The following MUSK variants were observed in gnomAD, a reference collection of about 807,000 sequenced individuals.
MUSK encodes muscle associated receptor tyrosine kinase.
MUSK carries 55 observed loss-of-function variants against 88.7 expected under a neutral mutation model. That is an observed-to-expected ratio of 0.62 (90% CI 0.50 to 0.78). The LOEUF (loss-of-function observed/expected upper bound fraction) is 0.78. Ranked by LOEUF, MUSK falls within the 30% of genes least tolerant of loss-of-function variation. The pLI is 0.00. For synonymous variants in MUSK, 387 were observed against 391.9 expected, an observed-to-expected ratio of 0.99 and a Z score of 0.15; for missense variants, 1,015 against 1,074.3, an observed-to-expected ratio of 0.94 and a Z score of 0.77.
chr9:110,775,698 T>C (rs2077656798), intron 9 of MUSK, 90 bp from the exon 10 acceptor site: 2 of 1,199,644 alleles, frequency 1.7e-6, no homozygotes, highest in African/African-American at 3.0e-5. Flanking sequence ...ACCATGATGA[T>C]GTCTTGAAAA....
chr9:110,716,688 C>T (rs1022686700), intron 5 of MUSK, among the ~76,000 whole-genome samples: 3 of 149,930 alleles, frequency 2.0e-5, no homozygotes, highest in African/African-American at 7.6e-5. Context: ...GGGACATTCA[C>T]GATAAACTCT....
chr9:110,749,562 A>C (rs920391933), intron 7 of MUSK, among the ~76,000 whole-genome samples: 7 of 152,300 alleles, frequency 4.6e-5, no homozygotes, highest in African/African-American at 1.7e-4. Flanking sequence ...ATTGATGAGA[A>C]GTCATTTAAT....
At chr9:110,707,927 G>A (rs1461705327) in intron 5 of MUSK, among the ~76,000 whole-genome samples, 3 of 152,156 alleles carry the variant, frequency 2.0e-5, no homozygotes, top group African/African-American at 7.2e-5. Flanking sequence ...CACTTGTCAG[G>A]ACACCTGCGT....
chr9:110,675,976 T>C (rs940392414), intron 1 of MUSK, among the ~76,000 whole-genome samples: 1 of 152,122 alleles, frequency 6.6e-6, no homozygotes, highest in Non-Finnish European at 1.5e-5. Flanking sequence ...TATCTCTCAA[T>C]ATCTAGATGA....
In MUSK at chr9:110,802,735, C is replaced by T. The variant is rs2078112632; in HGVS notation, c.*1747C>T. 6.6e-6 allele frequency among the ~76,000 whole-genome samples: 1 copy of T among 152,172 alleles called. No homozygotes were observed. The highest frequency in any genetic ancestry group is 1.9e-4 in the East Asian group (1 of 5,202). On this transcript the variant is annotated 3_prime_UTR_variant, in exon 15 of 15. Coordinates refer to ENST00000374448, the MANE Select transcript of MUSK (RefSeq NM_005592.4). ...ATGACTCAACCTCTACCGTTGCCCA[C>T]CCTGTCTATTAGCTGGCCTTCCTCT... is the stretch of plus-strand genomic sequence containing the variant.
At chr9:110,691,308 T>G (rs1340057934) in intron 3 of MUSK, among the ~76,000 whole-genome samples, 1 of 152,086 alleles carries the variant, frequency 6.6e-6, no homozygotes, top group Admixed American at 6.6e-5. Context: ...GCAAAACAGT[T>G]TCCCATACTC....
At chr9:110,720,703 C>T (rs2076800368) in intron 5 of MUSK, among the ~76,000 whole-genome samples, 1 of 151,976 alleles carries the variant, frequency 6.6e-6, no homozygotes, top group Non-Finnish European at 1.5e-5. Context: ...CACTATTCCA[C>T]AAGATAGACA....
intron 7 of MUSK, 84 bp downstream of exon 7, chr9:110,747,884 T>C: frequency 6.6e-7 from 1 of 1,504,760 alleles, no homozygotes; most frequent in Non-Finnish European, 9.2e-7. Flanking sequence ...GGAGAAAATC[T>C]CCCTTTTCTT....
chr9:110,740,790 C>T (rs188109814), intron 6 of MUSK, among the ~76,000 whole-genome samples: 53 of 152,194 alleles, frequency 3.5e-4, no homozygotes, highest in African/African-American at 1.2e-3. Flanking sequence ...GAAGAGCATT[C>T]GGAAGACTGG....
At chr9:110,679,501 G>A (rs2076079470) in intron 1 of MUSK, among the ~76,000 whole-genome samples, 1 of 151,840 alleles carries the variant, frequency 6.6e-6, no homozygotes, top group African/African-American at 2.4e-5. Flanking sequence ...GATAGCATCT[G>A]TCATTTCATA....
At chr9:110,710,705 G>C (rs2076657082) in intron 5 of MUSK, among the ~76,000 whole-genome samples, 1 of 151,872 alleles carries the variant, frequency 6.6e-6, no homozygotes, top group African/African-American at 2.4e-5. Flanking sequence ...GCTAACAGGA[G>C]AGAGGCTATT....
At chr9:110,676,329 TAC>T (rs1399316375) in intron 1 of MUSK, among the ~76,000 whole-genome samples, 6 of 121,378 alleles carry the variant, frequency 4.9e-5, no homozygotes, top group East Asian at 4.7e-4. Context: ...GTTGTATATA[TAC>T]ACATACACAC....
rs148941937 is a variant in MUSK at position 110,692,918 on chromosome 9, CTTTTA to C, written c.359-2480_359-2476del. Among the ~76,000 whole-genome samples the C allele has an allele frequency of 3.0e-3, 450 of 151,520 alleles. 9 individuals are homozygous for C. The East Asian group carries it at 0.06, about 20-fold the overall frequency. ...TGTTTACAATTTTTCTCAAATTGAT[CTTTTA>C]TTTTTTGATCATAATAAATATACAT... On this transcript the variant is annotated intron_variant, in intron 3 of 14. Transcript: ENST00000374448.
rs2077509392 is a variant in MUSK, at chr9:110,767,923, G to A, written c.1024G>A (p.Ala342Thr). The change falls in exon 9 of 15, where the codon GCG becomes ACG. Residue 342 changes from alanine to threonine, a missense_variant. Physicochemically the swap from Ala to Thr is moderately conservative, Grantham distance 58. Coordinates refer to ENST00000374448, the MANE Select transcript of MUSK (RefSeq NM_005592.4). Reference sequence around the variant, plus strand: ...TCTTGTTTTTCTCAACACCTCCTATGCGGACCCTGAGGAGGCCCAAGAGCT... The same window carrying A: ...TCTTGTTTTTCTCAACACCTCCTATACGGACCCTGAGGAGGCCCAAGAGCT... ...DALVFLNTSY[A>T]DPEEAQELLV... 4.3e-6 allele frequency: 7 copies of A among 1,613,910 alleles called. No homozygotes were observed. In the African/African-American group the frequency reaches 5.3e-5, roughly 12 times the overall value.
At chr9:110,755,939 T>TATATATATACATATATATATGC (rs1564268573) in intron 7 of MUSK, among the ~76,000 whole-genome samples, 8 of 71,212 alleles carry the variant, frequency 1.1e-4, no homozygotes, top group African/African-American at 4.6e-4. Context: ...TATACATATA[T>TATATATATACATATATATATGC]ATATATATAT....
intron 14 of MUSK, among the ~76,000 whole-genome samples, chr9:110,799,366 T>C (rs988836759): frequency 1.3e-5 from 2 of 152,212 alleles, no homozygotes; most frequent in East Asian, 1.9e-4. Flanking sequence ...ACTTTAAGAT[T>C]TGAAAATGAT....
chr9:110,701,044 C>T (rs2076494481), intron 5 of MUSK, among the ~76,000 whole-genome samples: 1 of 152,136 alleles, frequency 6.6e-6, no homozygotes. Context: ...TTCTTATGGT[C>T]TCTATTTCCT....
intron 8 of MUSK, among the ~76,000 whole-genome samples, chr9:110,764,726 T>C (rs886167737): frequency 6.6e-6 from 1 of 152,124 alleles, no homozygotes; most frequent in African/African-American, 2.4e-5. Flanking sequence ...CCTTAATTAT[T>C]CCAGGAACAT....
chr9:110,748,524 A>G (rs2077207222), intron 7 of MUSK, among the ~76,000 whole-genome samples: 1 of 152,296 alleles, frequency 6.6e-6, no homozygotes, highest in South Asian at 2.1e-4. Flanking sequence ...AAATGTCCCA[A>G]AGGCTTCTGA....
Sources: gnomAD v4.1 joint callset for allele counts (sites outside exome capture counted in the v4.1 genomes callset) on GRCh38, gnomAD v4.1.1 for gene constraint, MANE v1.5 for transcripts, NCBI Gene and HGNC (gene_info 2026-07-23, HGNC 2026-07-21) for gene names.